Variants in HS3ST3A1 observed in about 807,000 individuals in gnomAD.
The protein encoded by HS3ST3A1 is heparan sulfate glucosamine 3-O-sulfotransferase 3A1.
In HS3ST3A1, 19 loss-of-function variants were observed where a neutral mutation model predicts 25.7. The observed-to-expected ratio is 0.74, with a 90% CI of 0.52 to 1.08. The LOEUF is 1.08. HS3ST3A1 is among the 50% of genes least tolerant of loss of function. The pLI, the probability that HS3ST3A1 is intolerant of heterozygous loss-of-function variation, is 0.00. For synonymous variants in HS3ST3A1, 226 were observed against 278.6 expected (o/e 0.81, Z 1.88); for missense variants, 459 against 594.3 (o/e 0.77, Z 2.37).
chr17:13,536,992 C>T (rs1291099789), intron 1 of HS3ST3A1, among the ~76,000 whole-genome samples: 6 of 152,156 alleles, frequency 3.9e-5, no homozygotes, highest in Admixed American at 2.0e-4. Context: ...AGTGACCTGA[C>T]GTAAGGTCTG....
chr17:13,546,342 T>C (rs905038285), intron 1 of HS3ST3A1, among the ~76,000 whole-genome samples: 1 of 152,188 alleles, frequency 6.6e-6, no homozygotes, highest in African/African-American at 2.4e-5. Flanking sequence ...CTTGGCTCAC[T>C]GCAATCTCTG....
At chr17:13,551,337 G>T (rs1490455607) in intron 1 of HS3ST3A1, among the ~76,000 whole-genome samples, 1 of 148,780 alleles carries the variant, frequency 6.7e-6, no homozygotes, top group Non-Finnish European at 1.5e-5. Context: ...GACACGGAGA[G>T]ACTCCATCTC....
At chr17:13,553,822 G>T (rs1431322949) in intron 1 of HS3ST3A1, among the ~76,000 whole-genome samples, 2 of 152,034 alleles carry the variant, frequency 1.3e-5, no homozygotes, top group Non-Finnish European at 2.9e-5. Flanking sequence ...TCCCCTCTCA[G>T]GTACTTCCTT....
intron 1 of HS3ST3A1, among the ~76,000 whole-genome samples, chr17:13,541,401 T>C (rs1282490285): frequency 6.6e-6 from 1 of 152,220 alleles, no homozygotes; most frequent in East Asian, 1.9e-4. Context: ...TTTCCACCTC[T>C]TTTTATTAAA....
intron 1 of HS3ST3A1, among the ~76,000 whole-genome samples, chr17:13,588,667 A>C (rs115789442): frequency 1.5e-4 from 22 of 150,498 alleles, no homozygotes; most frequent in Non-Finnish European, 2.2e-4. Flanking sequence ...CTCTTAGTAT[A>C]GTCCATTTTA....
At chr17:13,561,103 AG>A (rs1907535949) in intron 1 of HS3ST3A1, among the ~76,000 whole-genome samples, 1 of 152,192 alleles carries the variant, frequency 6.6e-6, no homozygotes, top group Admixed American at 6.5e-5. Flanking sequence ...AAAGATGCAG[AG>A]ATGCCTTGGA....
chr17:13,576,546 G>C (rs1377191803), intron 1 of HS3ST3A1, among the ~76,000 whole-genome samples: 1 of 152,214 alleles, frequency 6.6e-6, no homozygotes, highest in African/African-American at 2.4e-5. Context: ...TTTGTTGCAA[G>C]TGAATGACTA....
At chr17:13,585,792 G>A (rs1000136465) in intron 1 of HS3ST3A1, among the ~76,000 whole-genome samples, 4 of 144,972 alleles carry the variant, frequency 2.8e-5, no homozygotes, top group African/African-American at 7.7e-5. Flanking sequence ...TTACGTGTAT[G>A]AAACAAAATT....
intron 1 of HS3ST3A1, among the ~76,000 whole-genome samples, chr17:13,591,220 T>C (rs1218150085): frequency 6.6e-6 from 1 of 151,822 alleles, no homozygotes; most frequent in Non-Finnish European, 1.5e-5. Context: ...TAATCTTTTG[T>C]ATTTTGGGTA....
intron 1 of HS3ST3A1, among the ~76,000 whole-genome samples, chr17:13,504,367 C>T (rs967361264): frequency 9.2e-5 from 14 of 152,004 alleles, no homozygotes; most frequent in African/African-American, 3.4e-4. Context: ...CTAACAAACA[C>T]AGCCAGTCAC....
chr17:13,512,580 C>A (rs983371021), intron 1 of HS3ST3A1, among the ~76,000 whole-genome samples: 4 of 152,154 alleles, frequency 2.6e-5, no homozygotes, highest in Non-Finnish European at 5.9e-5. Context: ...AGCTTTTGAA[C>A]CACAAACACT....
rs1394202890 is a variant in HS3ST3A1, at chr17:13,600,824, G to A, written c.306C>T (p.Pro102=). Reference sequence around the variant, plus strand: ...CCTCCTCGCCGTCGTCGCGGGGCGCGGGCGGCCGGCGCCTCCGCCACTGCG... The same window carrying A: ...CCTCCTCGCCGTCGTCGCGGGGCGCAGGCGGCCGGCGCCTCCGCCACTGCG... ...QLPQWRRRRP[P]APRDDGEEAA... The change falls in exon 1 of 2, where the codon CCC becomes CCT. Residue 102 remains proline, a synonymous_variant. Coordinates refer to ENST00000284110, the MANE Select transcript of HS3ST3A1 (RefSeq NM_006042.3). 2.8e-6 allele frequency: 4 copies of A among 1,413,150 alleles called. No homozygotes were observed. In the East Asian group the frequency reaches 1.2e-4, roughly 42 times the overall value. The allele number at this position is 1,413,150 out of a possible 1,614,324, so 87.5% of individuals were successfully genotyped here.
At chr17:13,587,552 C>T (rs984652888) in intron 1 of HS3ST3A1, among the ~76,000 whole-genome samples, 14 of 152,168 alleles carry the variant, frequency 9.2e-5, no homozygotes, top group Admixed American at 3.3e-4. Context: ...GTGAATAACA[C>T]GCTGTTTCAG....
In HS3ST3A1 at chr17:13,523,575, C is replaced by G. The variant is rs1411284703; in HGVS notation, c.600-26757G>C. ...TGCTATTGCCCCTGGAAAGAACTTT[C>G]CATAGAATTTGTGCCCTCCACACTA... On this transcript the variant is annotated intron_variant, in intron 1 of 1. Transcript: ENST00000284110. Among the ~76,000 whole-genome samples, 11 of 152,218 alleles carry G rather than the reference C, an allele frequency of 7.2e-5. No homozygotes were observed. In the East Asian group the frequency reaches 1.7e-3, roughly 24 times the overall value.
intron 1 of HS3ST3A1, among the ~76,000 whole-genome samples, chr17:13,520,833 A>G (rs911023491): frequency 2.6e-5 from 4 of 152,062 alleles, no homozygotes; most frequent in Admixed American, 1.3e-4. Context: ...GCTGGTTTCT[A>G]ACTCCTGACC....
intron 1 of HS3ST3A1, among the ~76,000 whole-genome samples, chr17:13,561,220 T>C (rs757073108): frequency 1.4e-4 from 21 of 152,202 alleles, no homozygotes; most frequent in Admixed American, 7.8e-4. Context: ...TTGAGACCCA[T>C]TGCCCTAGAG....
chr17:13,560,765 T>C (rs1907523048), intron 1 of HS3ST3A1, among the ~76,000 whole-genome samples: 1 of 152,236 alleles, frequency 6.6e-6, no homozygotes, highest in African/African-American at 2.4e-5. Context: ...AGAATCTGGT[T>C]TGGAACTGAA....
In HS3ST3A1 at chr17:13,510,708, A is replaced by AT. The variant is rs10709522; in HGVS notation, c.600-13891dup. On this transcript the variant is annotated intron_variant, in intron 1 of 1. Coordinates refer to ENST00000284110, the MANE Select transcript of HS3ST3A1 (RefSeq NM_006042.3). ...CTGTGTGAATATCTCAGTGTCCTTG[A>AT]TTTTTTTTTTTTTTTATACGAAGTC... Among the ~76,000 whole-genome samples, 361 of 145,084 alleles carry AT rather than the reference A, an allele frequency of 2.5e-3. No homozygotes were observed. In the Middle Eastern group the frequency reaches 0.051, roughly 20 times the overall value.
chr17:13,494,400 A>T lies in HS3ST3A1; in HGVS notation c.*1797T>A, dbSNP rs1368709992. 6.6e-6 allele frequency among the ~76,000 whole-genome samples: 1 copy of T among 152,222 alleles called. No homozygotes were observed. The highest frequency in any genetic ancestry group is 2.4e-5 in the African/African-American group (1 of 41,472). ...AATGACAAAATATCTAACACTTAAA[A>T]TATTTTTTCCTTCATTTTAATCCTG... On this transcript the variant is annotated 3_prime_UTR_variant, in exon 2 of 2. Transcript: ENST00000284110.
Sources: gnomAD v4.1 joint callset for allele counts (sites outside exome capture counted in the v4.1 genomes callset) on GRCh38, gnomAD v4.1.1 for gene constraint, MANE v1.5 for transcripts, NCBI Gene and HGNC (gene_info 2026-07-23, HGNC 2026-07-21) for gene names.